Variants in SETD1B observed in about 807,000 individuals in gnomAD.
SETD1B encodes SET domain containing 1B, histone lysine methyltransferase.
Under a neutral mutation model 148.0 loss-of-function variants are expected in SETD1B, and 7 were observed. The ratio of observed to expected loss-of-function variants is 0.05; its 90% CI spans 0.03 to 0.09. SETD1B has a LOEUF of 0.09. Among genes scored for constraint, SETD1B ranks in the 10% least tolerant of loss-of-function variants. The pLI is 1.00. For missense variants in SETD1B, 2,155 were observed against 2,729.9 expected (o/e 0.79, Z 4.69); for synonymous variants, 1,361 against 1,186.5 (o/e 1.15, Z -3.02).
In SETD1B at chr12:121,808,355, G is replaced by T. The variant is rs949023509; in HGVS notation, c.657+35G>T. ...TGGCCGTCAGTCTGCCCCATCGCCAGCTCTTTGATGTGCCCCCCACCTCTG... is the reference window on the plus strand; with the variant it reads ...TGGCCGTCAGTCTGCCCCATCGCCATCTCTTTGATGTGCCCCCCACCTCTG... On this transcript the variant is annotated intron_variant, in intron 5 of 16. Transcript: ENST00000604567. The surrounding 1 kb of genome is among the most constrained non-coding windows in gnomAD (Gnocchi z 5.3). 1.4e-5 allele frequency: 20 copies of T among 1,414,334 alleles called. No homozygotes were observed. Among genetic ancestry groups the T allele is most frequent in the Non-Finnish European group, 1.9e-5 (20 of 1,025,846 alleles). The allele number at this position is 1,414,334 out of a possible 1,614,324, so 87.6% of individuals were successfully genotyped here.
rs2137578948 is a variant in SETD1B at position 121,823,068 on chromosome 12, C to T, written c.4489C>T (p.Pro1497Ser). Residue 1497 changes from proline to serine, a missense_variant, in exon 12 of 17, where the codon CCC becomes TCC. Pro to Ser is a moderately conservative substitution (Grantham distance 74). This residue lies in a region of SETD1B where 862 missense variants were observed against 873.8 expected (regional missense o/e 0.99). Coordinates refer to ENST00000604567, the MANE Select transcript of SETD1B (RefSeq NM_001353345.2). Reference sequence around the variant, plus strand: ...CGTCTTGCGGGCCCAGGCTCGTGCGCCCACCCCGCTGCCACCCCTGCTGCC... The same window carrying T: ...CGTCTTGCGGGCCCAGGCTCGTGCGTCCACCCCGCTGCCACCCCTGCTGCC... The part of the protein sequence containing the change: ...PAVLRAQARA[P>S]TPLPPLLPAP... The T allele has an allele frequency of 6.6e-7, 1 of 1,510,768 alleles. No homozygotes were observed. The highest frequency in any genetic ancestry group is 8.8e-7 in the Non-Finnish European group (1 of 1,130,372). The allele number at this position is 1,510,768 out of a possible 1,614,324, so 93.6% of individuals were successfully genotyped here.
In SETD1B at chr12:121,817,511, CATT is replaced by C. The variant is rs1876349812; in HGVS notation, c.3120_3122del (p.Leu1041del). On this transcript the variant is annotated inframe_deletion, in exon 9 of 17. Transcript: ENST00000604567. This position sits in a 1 kb window ranked among gnomAD's most constrained non-coding sequence, Gnocchi z 8.1. ...GGTGGGGAGGAGGACGAGAAGGAGT[CATT>C]GTCGGCGTCCTCGTCCTCATCCGCG... is the stretch of plus-strand genomic sequence containing the variant. 1.3e-6 allele frequency: 2 copies of C among 1,551,282 alleles called. No homozygotes were observed. The highest frequency in any genetic ancestry group is 3.9e-5 in the Admixed American group (2 of 50,986).
chr12:121,794,196 C>G, the SETD1B span: 1 of 152,926 alleles, frequency 6.5e-6, no homozygotes, highest in African/African-American at 2.4e-5. Context: ...GCGGTGGCAC[C>G]AGGGAAGATG....
At chr12:121,811,262 G>A (rs1478208029) in intron 6 of SETD1B, among the ~76,000 whole-genome samples, 1 of 152,206 alleles carries the variant, frequency 6.6e-6, no homozygotes, top group Non-Finnish European at 1.5e-5. Flanking sequence ...AGGCAGAGGG[G>A]AGGAGAGAGA....
the SETD1B span, chr12:121,795,512 TGA>T: frequency 6.6e-6 from 1 of 151,456 alleles, no homozygotes; most frequent in Non-Finnish European, 1.5e-5. Flanking sequence ...GGCTGGGCCA[TGA>T]GAGGGGAGGC....
At chr12:121,828,507 A>G (rs1876948856) in intron 16 of SETD1B, among the ~76,000 whole-genome samples, 1 of 152,210 alleles carries the variant, frequency 6.6e-6, no homozygotes, top group Non-Finnish European at 1.5e-5. Context: ...AGCACTGGAA[A>G]TGTGCCCAGT....
intron 16 of SETD1B, among the ~76,000 whole-genome samples, chr12:121,829,380 G>A (rs1224971303): frequency 3.9e-5 from 6 of 152,166 alleles, no homozygotes; most frequent in Non-Finnish European, 5.9e-5. Context: ...TGAACTCACC[G>A]GCCCTGGTTG....
At chr12:121,790,757 T>C in the SETD1B span, among the ~76,000 whole-genome samples, 1 of 152,196 alleles carries the variant, frequency 6.6e-6, no homozygotes, top group Non-Finnish European at 1.5e-5. Context: ...CCAGGGAAGA[T>C]AGATCTCCCC....
chr12:121,821,699 T>C (rs911554753), intron 11 of SETD1B, among the ~76,000 whole-genome samples: 3 of 147,812 alleles, frequency 2.0e-5, no homozygotes, highest in Non-Finnish European at 4.5e-5. Context: ...TGCAGTGAGC[T>C]GAGATTGTGC....
At chr12:121,827,702 G>A (rs556441133) in intron 14 of SETD1B, 33 bp from the exon 15 acceptor site, 14 of 1,551,678 alleles carry the variant, frequency 9.0e-6, no homozygotes, top group Admixed American at 7.8e-5. Flanking sequence ...ACCTGAGACC[G>A]GGGCTCACCT....
intron 4 of SETD1B, among the ~76,000 whole-genome samples, chr12:121,806,620 GTGT>G (rs1875755227): frequency 6.6e-6 from 1 of 152,232 alleles, no homozygotes; most frequent in South Asian, 2.1e-4. Context: ...GGGGCCAGGA[GTGT>G]TGTTTCATTG....
chr12:121,814,802 G>T lies in SETD1B; in HGVS notation c.2587G>T (p.Gly863Cys). The stretch of plus-strand genomic sequence containing the variant: ...GGACCCACACAAAGCCACGGTGGAT[G>T]GCGTCCTGCTGGTGGTCCTCAAAGA... ...QEDPHKATVDGVLLVVLKELK... is the reference protein window; with the variant it reads ...QEDPHKATVDCVLLVVLKELK... The change falls in exon 7 of 17, where the codon GGC (glycine) becomes TGC (cysteine). Residue 863 changes from glycine to cysteine, a missense_variant. Transcript: ENST00000604567. The T allele has an allele frequency of 6.4e-7, 1 of 1,551,584 alleles. No homozygotes were observed. Among genetic ancestry groups the T allele is most frequent in the Non-Finnish European group, 8.7e-7 (1 of 1,146,998 alleles).
intron 7 of SETD1B, among the ~76,000 whole-genome samples, chr12:121,815,682 G>A (rs888773931): frequency 1.3e-5 from 2 of 151,990 alleles, no homozygotes; most frequent in Non-Finnish European, 2.9e-5. Context: ...GCTAATTTGT[G>A]TGTTTTTCTG....
rs1434325414 is a variant in SETD1B, at chr12:121,822,835, G to C, written c.4256G>C (p.Ser1419Thr). The C allele has an allele frequency of 1.3e-6, 2 of 1,492,024 alleles. No individual in the cohort carries two copies. Among genetic ancestry groups the C allele is most frequent in the Non-Finnish European group, 1.8e-6 (2 of 1,115,466 alleles). The allele number at this position is 1,492,024 out of a possible 1,614,324, so 92.4% of individuals were successfully genotyped here. A position where few individuals can be genotyped will look rare whatever the true frequency, so the allele number is the denominator to read the frequency against. ...CCAGCCCCGTCCCCTAGCTTGAGCA[G>C]TGGGGGCCTCCCTCGGACACCTGGC... is the stretch of plus-strand genomic sequence containing the variant. ...SYPAPSPSLS[S>T]GGLPRTPGRD... Residue 1419 changes from serine (S) to threonine (T), a missense_variant, in exon 12 of 17, where the codon AGT (serine) becomes ACT (threonine). This residue lies in a region of SETD1B where 862 missense variants were observed against 873.8 expected (regional missense o/e 0.99). Transcript: ENST00000604567.
chr12:121,804,993 G>T lies in SETD1B; in HGVS notation c.174+82G>T. 1 of 1,460,794 alleles carries T rather than the reference G, an allele frequency of 6.8e-7. No individual in the cohort carries two copies. Among genetic ancestry groups the T allele is most frequent in the Non-Finnish European group, 9.2e-7 (1 of 1,089,810 alleles). The allele number at this position is 1,460,794 out of a possible 1,614,324, so 90.5% of individuals were successfully genotyped here. ...CCTAGCGGCCAGGGACCCCCCGCCC[G>T]ATCCCCCGGCCAACTGTCAGACGGG... On this transcript the variant is annotated intron_variant, in intron 2 of 16. Transcript: ENST00000604567. The surrounding 1 kb of genome is among the most constrained non-coding windows in gnomAD (Gnocchi z 4.6).
At chr12:121,796,065 G>C in the SETD1B span, 1 of 152,582 alleles carries the variant, frequency 6.6e-6, no homozygotes, top group Non-Finnish European at 1.5e-5. Context: ...GGTGATGGAG[G>C]GGGGCTGGAT....
chr12:121,809,955 C>T lies in SETD1B; in HGVS notation c.1010C>T (p.Thr337Ile). The T allele has an allele frequency of 6.4e-7, 1 of 1,551,130 alleles. No individual in the cohort carries two copies. The highest frequency in any genetic ancestry group is 1.2e-5 in the South Asian group (1 of 84,064). Residue 337 changes from threonine to isoleucine, a missense_variant, in exon 6 of 17, where the codon ACT becomes ATT. Around this residue, in one of 11 missense-constraint regions of SETD1B, gnomAD observed 376 missense variants for 385.0 expected, o/e 0.98. Coordinates refer to ENST00000604567, the MANE Select transcript of SETD1B (RefSeq NM_001353345.2). ...HHYVHNSPAV[T>I]AVAGATAAFR... ...TATGTACACAATTCTCCCGCGGTCACTGCGGTGGCCGGGGCCACAGCCGCT... is the reference window on the plus strand; with the variant it reads ...TATGTACACAATTCTCCCGCGGTCATTGCGGTGGCCGGGGCCACAGCCGCT...
At chr12:121,793,740 G>A in the SETD1B span, 28 of 1,045,820 alleles carry the variant, frequency 2.7e-5, no homozygotes, top group Non-Finnish European at 3.3e-5. Context: ...GAGCAGCGCC[G>A]CCTCCGCCAG....
At chr12:121,825,511 G>A (rs1001618183) in intron 13 of SETD1B, 145 bp downstream of exon 13, 2 of 645,960 alleles carry the variant, frequency 3.1e-6, no homozygotes, top group African/African-American at 1.9e-5. Context: ...AAGGGGAGAG[G>A]CGGGTGGGCG....
Sources: allele counts gnomAD v4.1 joint callset (sites outside exome capture counted in the v4.1 genomes callset), GRCh38; gene constraint gnomAD v4.1.1; regional missense constraint gnomAD v4.1.1; non-coding constraint Gnocchi (gnomAD v3.1); transcripts MANE v1.5; gene names NCBI Gene and HGNC (gene_info 2026-07-23, HGNC 2026-07-21).